Variants in CRCP observed in about 807,000 individuals in gnomAD.
CRCP encodes DNA-directed RNA polymerase III subunit RPC9.
A neutral mutation model predicts 18.5 loss-of-function variants in CRCP; 18 were observed. That is an observed-to-expected ratio of 0.97 (90% CI 0.67 to 1.44). The LOEUF (loss-of-function observed/expected upper bound fraction) is 1.44. Ranked by LOEUF, CRCP falls within the 40% of genes most tolerant of loss-of-function variation. The pLI, the probability that CRCP is intolerant of heterozygous loss-of-function variation, is 0.00. For synonymous variants in CRCP, 53 were observed against 62.9 expected (o/e 0.84, Z 0.75); for missense variants, 130 against 176.4 (o/e 0.74, Z 1.49).
At chr7:66,127,583 G>A in intron 1 of CRCP, 121 bp from the exon 2 acceptor site, 1 of 1,081,264 alleles carries the variant, frequency 9.2e-7, no homozygotes, top group Non-Finnish European at 1.4e-6. Flanking sequence ...TTCAATTTTA[G>A]GTTGTAGTCC....
rs986412907 is a variant in CRCP at position 66,117,637 on chromosome 7, C to T, written c.8+2667C>T. On this transcript the variant is annotated intron_variant, in intron 1 of 5. Transcript: ENST00000395326. The stretch of plus-strand genomic sequence containing the variant: ...TTAAGCAATAGCCTTTGAGTGTTCA[C>T]TCTTCCCCAGCCTCCATTCTGTTCT... 2.0e-5 allele frequency among the ~76,000 whole-genome samples: 3 copies of T among 152,202 alleles called. No individual in the cohort carries two copies. The East Asian group carries it at 5.8e-4, about 29-fold the overall frequency.
At chr7:66,140,032 G>GA in intron 4 of CRCP, among the ~76,000 whole-genome samples, 1 of 152,364 alleles carries the variant, frequency 6.6e-6, no homozygotes, top group Middle Eastern at 3.4e-3. Context: ...AGGGAAAAGG[G>GA]AAAAATGACT....
At chr7:66,126,123 G>A (rs1046922013) in intron 1 of CRCP, among the ~76,000 whole-genome samples, 1 of 149,484 alleles carries the variant, frequency 6.7e-6, no homozygotes, top group South Asian at 2.1e-4. Flanking sequence ...TTGTGAAATC[G>A]TAGCTTGAAT....
Position 66,152,915 on chromosome 7 carries a change from G to A in CRCP, c.*558G>A, listed in dbSNP as rs773195556. The A allele has an allele frequency of 5.9e-5, 9 of 153,128 alleles. No individual in the cohort carries two copies. The highest frequency in any genetic ancestry group is 1.0e-4 in the Non-Finnish European group (7 of 68,462). 9.5% of individuals were successfully genotyped at this position (153,128 alleles called of 1,614,324 possible). A position where few individuals can be genotyped will look rare whatever the true frequency, so the allele number is the denominator to read the frequency against. ...GCTCTAGAGCCCCTTTTCTCTGCTG[G>A]CAGGGGCTTTGTTTACCAGCTCACT... On this transcript the variant is annotated 3_prime_UTR_variant, in exon 6 of 6. Transcript: ENST00000395326.
At chr7:66,150,356 A>AG (rs1554334966) in intron 5 of CRCP, among the ~76,000 whole-genome samples, 24 of 151,512 alleles carry the variant, frequency 1.6e-4, no homozygotes, top group African/African-American at 5.3e-4. Flanking sequence ...ACAAGAGTGA[A>AG]GGGGGGGAGT....
At chr7:66,137,879 C>T (rs774398761) in intron 4 of CRCP, among the ~76,000 whole-genome samples, 2 of 152,142 alleles carry the variant, frequency 1.3e-5, no homozygotes, top group Non-Finnish European at 2.9e-5. Flanking sequence ...AACATATAAT[C>T]TACATACATT....
Position 66,152,579 on chromosome 7 carries a change from G to A in CRCP, c.*222G>A, listed in dbSNP as rs1788508659. On this transcript the variant is annotated 3_prime_UTR_variant, in exon 6 of 6. Transcript: ENST00000395326. Reference sequence around the variant, plus strand: ...GAGGTTGTCAGGGCAGAGAGCTGAAGGTGGGGACAGTGACCGCGGACCCCT... The same window carrying A: ...GAGGTTGTCAGGGCAGAGAGCTGAAAGTGGGGACAGTGACCGCGGACCCCT... 7.4e-6 allele frequency: 4 copies of A among 541,326 alleles called. No homozygotes were observed. In the South Asian group the frequency reaches 8.3e-5, roughly 11 times the overall value. 33.5% of individuals were successfully genotyped at this position (541,326 alleles called of 1,614,324 possible). A position where few individuals can be genotyped will look rare whatever the true frequency, so the allele number is the denominator to read the frequency against.
intron 4 of CRCP, among the ~76,000 whole-genome samples, chr7:66,135,054 C>T (rs1787930785): frequency 6.6e-6 from 1 of 152,130 alleles, no homozygotes; most frequent in African/African-American, 2.4e-5. Flanking sequence ...TGAACAGGGC[C>T]AACCATTTCT....
Position 66,145,469 on chromosome 7 carries a change from A to G in CRCP, c.266A>G (p.His89Arg). 1 of 1,613,954 alleles carries G rather than the reference A, an allele frequency of 6.2e-7. No homozygotes were observed. The highest frequency in any genetic ancestry group is 8.5e-7 in the Non-Finnish European group (1 of 1,179,926). ...GCTGAGAAGCTCCAGCTGCTGAACCACCGGCCTGTGACTGCTGTGGAGATC... is the reference window on the plus strand; with the variant it reads ...GCTGAGAAGCTCCAGCTGCTGAACCGCCGGCCTGTGACTGCTGTGGAGATC... ...TKAEKLQLLN[H>R]RPVTAVEIQL... Residue 89 changes from histidine (H) to arginine (R), a missense_variant, in exon 5 of 6, where the codon CAC (histidine) becomes CGC (arginine). Transcript: ENST00000395326.
chr7:66,129,981 T>C (rs1045959359), intron 2 of CRCP: 6 of 247,586 alleles, frequency 2.4e-5, no homozygotes, highest in Non-Finnish European at 3.9e-5. Flanking sequence ...TAAAGATCCA[T>C]AGCATTTTTT....
At chr7:66,141,278 G>C (rs1788128700) in intron 4 of CRCP, among the ~76,000 whole-genome samples, 1 of 152,126 alleles carries the variant, frequency 6.6e-6, no homozygotes. Context: ...ATTGTTGACT[G>C]TAGTCACCCT....
intron 5 of CRCP, among the ~76,000 whole-genome samples, chr7:66,149,606 C>CT (rs1484343395): frequency 9.9e-5 from 15 of 152,142 alleles, no homozygotes; most frequent in African/African-American, 3.6e-4. Context: ...ACGGCCGGAG[C>CT]TTTTATCAAC....
chr7:66,138,719 G>A lies in CRCP; in HGVS notation c.239+4345G>A, dbSNP rs532026834. Reference sequence around the variant, plus strand: ...TGAGATAGGAGAATGGCGTGAACCCGGGAGGCAGAGCTTGCAGTGAGCCAA... The same window carrying A: ...TGAGATAGGAGAATGGCGTGAACCCAGGAGGCAGAGCTTGCAGTGAGCCAA... On this transcript the variant is annotated intron_variant, in intron 4 of 5. Transcript: ENST00000395326. Among the ~76,000 whole-genome samples, 550 of 150,934 alleles carry A rather than the reference G, an allele frequency of 3.6e-3. 5 individuals are homozygous for A. Among genetic ancestry groups the A allele is most frequent in the African/African-American group, 0.013 (521 of 41,082 alleles).
At chr7:66,127,037 T>G (rs565057704) in intron 1 of CRCP, among the ~76,000 whole-genome samples, 1 of 152,256 alleles carries the variant, frequency 6.6e-6, no homozygotes, top group Non-Finnish European at 1.5e-5. Context: ...ACTAAAATTC[T>G]CACAGCACAT....
intron 5 of CRCP, among the ~76,000 whole-genome samples, chr7:66,149,271 C>A (rs572876647): frequency 6.6e-6 from 1 of 152,270 alleles, no homozygotes; most frequent in South Asian, 2.1e-4. Context: ...TGTCTATAAC[C>A]CCAGCACTTT....
At chr7:66,134,612 G>A (rs927319782) in intron 4 of CRCP, 3 of 293,196 alleles carry the variant, frequency 1.0e-5, no homozygotes, top group South Asian at 2.0e-4. Flanking sequence ...TACTCTGCCT[G>A]CTTATTCTGC....
At position 66,152,580 on chromosome 7, in the gene CRCP, G is replaced by A. The variant is rs1281794733; in HGVS notation, c.*223G>A. 1.1e-5 allele frequency: 6 copies of A among 537,032 alleles called. No individual in the cohort carries two copies. Among genetic ancestry groups the A allele is most frequent in the East Asian group, 3.4e-5 (1 of 29,626 alleles). 33.3% of individuals were successfully genotyped at this position (537,032 alleles called of 1,614,324 possible). On this transcript the variant is annotated 3_prime_UTR_variant, in exon 6 of 6. Coordinates refer to ENST00000395326, the MANE Select transcript of CRCP (RefSeq NM_014478.5). The stretch of plus-strand genomic sequence containing the variant: ...AGGTTGTCAGGGCAGAGAGCTGAAG[G>A]TGGGGACAGTGACCGCGGACCCCTC...
In CRCP at chr7:66,153,312, T is replaced by G. The variant is rs1043381764; in HGVS notation, c.*955T>G. The G allele has an allele frequency of 6.6e-6, 1 of 151,880 alleles. No individual in the cohort carries two copies. Among genetic ancestry groups the G allele is most frequent in the African/African-American group, 2.4e-5 (1 of 41,344 alleles). 9.4% of individuals were successfully genotyped at this position (151,880 alleles called of 1,614,324 possible). A position where few individuals can be genotyped will look rare whatever the true frequency, so the allele number is the denominator to read the frequency against. ...AAATTAACCAGGGGTGATGGCACAT[T>G]CCTGTAATCCCAGCTACTCGGGAGG... On this transcript the variant is annotated 3_prime_UTR_variant, in exon 6 of 6. Transcript: ENST00000395326.
At chr7:66,128,368 G>GT (rs1787680504) in intron 2 of CRCP, among the ~76,000 whole-genome samples, 1 of 152,070 alleles carries the variant, frequency 6.6e-6, no homozygotes. Context: ...TTTTAAGGCT[G>GT]TTTCTGTCTG....
Sources: allele counts gnomAD v4.1 joint callset (sites outside exome capture counted in the v4.1 genomes callset), GRCh38; gene constraint gnomAD v4.1.1; transcripts MANE v1.5; gene names NCBI Gene and HGNC (gene_info 2026-07-23, HGNC 2026-07-21).